Variants in KLHDC9 observed in about 807,000 individuals in gnomAD.
The protein encoded by KLHDC9 is kelch domain containing 9.
KLHDC9 carries 26 observed loss-of-function variants against 31.5 expected under a neutral mutation model. The observed-to-expected ratio is 0.83, with a 90% confidence interval of 0.61 to 1.15. KLHDC9 has a LOEUF of 1.15. Ranked by LOEUF, KLHDC9 falls within the 50% of genes most tolerant of loss-of-function variation. The pLI, the probability that KLHDC9 is intolerant of heterozygous loss-of-function variation, is 0.00. For missense variants in KLHDC9, 437 were observed against 467.7 expected (o/e 0.93, Z 0.61); for synonymous variants, 176 against 184.7 (o/e 0.95, Z 0.38).
Position 161,099,023 on chromosome 1 carries a change from T to A in KLHDC9, c.488T>A (p.Ile163Asn). 1 of 1,597,172 alleles carries A rather than the reference T, an allele frequency of 6.3e-7. No individual in the cohort carries two copies. Among genetic ancestry groups the A allele is most frequent in the Non-Finnish European group, 8.5e-7 (1 of 1,178,914 alleles). Residue 163 changes from isoleucine to asparagine, a missense_variant, in exon 1 of 4, where the codon ATC becomes AAC. Coordinates refer to ENST00000368011, the MANE Select transcript of KLHDC9 (RefSeq NM_152366.5). ...GIHTQRRYGS[I>N]YTLRLDPSAR... Reference sequence around the variant, plus strand: ...CACACTCAGCGACGCTATGGAAGCATCTACACATTAAGGCTGGACCCCAGC... The same window carrying A: ...CACACTCAGCGACGCTATGGAAGCAACTACACATTAAGGCTGGACCCCAGC...
At chr1:161,099,842 G>A (rs1553225614) in intron 3 of KLHDC9, 46 bp downstream of exon 3, 1 of 1,552,614 alleles carries the variant, frequency 6.4e-7, no homozygotes, top group South Asian at 1.1e-5. Context: ...TGGGAAGATG[G>A]GGGAACCTGA....
Position 161,098,723 on chromosome 1 carries a change from C to G in KLHDC9, c.188C>G (p.Pro63Arg). Reference sequence around the variant, plus strand: ...AGCAGCGATACGGTGGTTTTCGACCCAGCTAGGGGCCAGGCCGTACGATTG... The same window carrying G: ...AGCAGCGATACGGTGGTTTTCGACCGAGCTAGGGGCCAGGCCGTACGATTG... ...EPSSDTVVFD[P>R]ARGQAVRLGA... Residue 63 changes from proline to arginine, a missense_variant, in exon 1 of 4, where the codon CCA becomes CGA. Coordinates refer to ENST00000368011, the MANE Select transcript of KLHDC9 (RefSeq NM_152366.5). The surrounding 1 kb of genome is among the most constrained non-coding windows in gnomAD (Gnocchi z 6.3). The G allele has an allele frequency of 6.2e-7, 1 of 1,611,462 alleles. No individual in the cohort carries two copies. Among genetic ancestry groups the G allele is most frequent in the Non-Finnish European group, 8.5e-7 (1 of 1,178,780 alleles).
Position 161,100,157 on chromosome 1 carries a change from T to G in KLHDC9, c.983T>G (p.Leu328Arg), listed in dbSNP as rs761098458. ...RTCLWNDQLYLVGGFGEDGRT... is the reference protein window; with the variant it reads ...RTCLWNDQLYRVGGFGEDGRT... ...TGCCTTTGGAATGATCAGCTTTACC[T>G]GGTTGGGGGTTTTGGTGAGGATGGC... Residue 328 changes from leucine (L) to arginine (R), a missense_variant, in exon 4 of 4, where the codon CTG (leucine) becomes CGG (arginine). Leu to Arg is a moderately radical substitution (Grantham distance 102). Transcript: ENST00000368011. The G allele has an allele frequency of 1.9e-6, 3 of 1,614,112 alleles. No individual in the cohort carries two copies. The highest frequency in any genetic ancestry group is 2.7e-5 in the African/African-American group (2 of 74,930).
At chr1:161,099,950 C>T (rs535967641) in intron 3 of KLHDC9, 111 bp from the exon 4 acceptor site, 9 of 1,387,688 alleles carry the variant, frequency 6.5e-6, no homozygotes, top group Middle Eastern at 3.7e-4. Flanking sequence ...TTTGAAGAGG[C>T]CTACAAATCA....
Position 161,099,488 on chromosome 1 carries a change from A to C in KLHDC9, c.670A>C (p.Ser224Arg). 1 of 1,614,236 alleles carries C rather than the reference A, an allele frequency of 6.2e-7. No individual in the cohort carries two copies. Among genetic ancestry groups the C allele is most frequent in the Non-Finnish European group, 8.5e-7 (1 of 1,180,042 alleles). ...TGAACCAGAAGTAGCTGGGCATTGG[A>C]GTCATGGGAAAATTAAGGTATTAGC... The part of the protein sequence containing the change: ...LAEPEVAGHW[S>R]HGKIKEEPPV... The change falls in exon 2 of 4, where the codon AGT (serine) becomes CGT (arginine). Residue 224 changes from serine to arginine, a missense_variant. Coordinates refer to ENST00000368011, the MANE Select transcript of KLHDC9 (RefSeq NM_152366.5).
chr1:161,100,239 C>A lies in KLHDC9; in HGVS notation c.*15C>A, dbSNP rs1654516570. 3 of 1,608,288 alleles carry A rather than the reference C, an allele frequency of 1.9e-6. No homozygotes were observed. Among genetic ancestry groups the A allele is most frequent in the Non-Finnish European group, 1.7e-6 (2 of 1,175,780 alleles). On this transcript the variant is annotated 3_prime_UTR_variant, in exon 4 of 4. Coordinates refer to ENST00000368011, the MANE Select transcript of KLHDC9 (RefSeq NM_152366.5). ...ACTTTATCTAAATAGTGCCAAGACA[C>A]ATCACTAAGCCTCGTTTTGTTTTGC...
chr1:161,098,701 A>G lies in KLHDC9; in HGVS notation c.166A>G (p.Ser56Gly), dbSNP rs540031045. 5 of 1,612,966 alleles carry G rather than the reference A, an allele frequency of 3.1e-6. No individual in the cohort carries two copies. In the East Asian group the frequency reaches 1.1e-4, roughly 36 times the overall value. Residue 56 changes from serine (S) to glycine (G), a missense_variant, in exon 1 of 4, where the codon AGC (serine) becomes GGC (glycine). By Grantham distance (56) the Ser-to-Gly change is moderately conservative. Transcript: ENST00000368011. The surrounding 1 kb of genome is among the most constrained non-coding windows in gnomAD (Gnocchi z 6.3). ...AGCAGGAGGAGCGAGAGAGCCCAGC[A>G]GCGATACGGTGGTTTTCGACCCAGC... ...LLAGGAREPSSDTVVFDPARG... is the reference protein window; with the variant it reads ...LLAGGAREPSGDTVVFDPARG...
Position 161,099,348 on chromosome 1 carries a change from A to G in KLHDC9, c.530A>G (p.Tyr177Cys), listed in dbSNP as rs753574944. 5 of 1,614,192 alleles carry G rather than the reference A, an allele frequency of 3.1e-6. No individual in the cohort carries two copies. The Admixed American group carries it at 8.3e-5, about 27-fold the overall frequency. ...RLDPSARTYC[Y>C]KQEGCHTASR... ...CCTGAATTTCTGCATGTCCACAGCT[A>G]CAAGCAAGAAGGCTGCCACACAGCC... The change falls in exon 2 of 4, where the codon TAC (tyrosine) becomes TGC (cysteine). Residue 177 changes from tyrosine (Y) to cysteine (C), a missense_variant and splice_region_variant. Tyr to Cys is a radical substitution (Grantham distance 194). Coordinates refer to ENST00000368011, the MANE Select transcript of KLHDC9 (RefSeq NM_152366.5).
Position 161,099,654 on chromosome 1 carries a change from TGGGCAGG to T in KLHDC9, c.747_753del (p.Gln250ProfsTer28). 1 of 1,614,142 alleles carries T rather than the reference TGGGCAGG, an allele frequency of 6.2e-7. No individual in the cohort carries two copies. The highest frequency in any genetic ancestry group is 8.5e-7 in the Non-Finnish European group (1 of 1,180,016). ...AACAGCTTGCAAGGCTTGTGAGCAG[TGGGCAGG>T]GGTCCCAGAAGGGGCCCCATGGACT... On this transcript the variant is annotated frameshift_variant, in exon 3 of 4. Transcript: ENST00000368011. LOFTEE classifies it high-confidence loss of function.
chr1:161,099,170 T>A, intron 1 of KLHDC9, 108 bp downstream of exon 1: 1 of 1,353,690 alleles, frequency 7.4e-7, no homozygotes, highest in Non-Finnish European at 1.0e-6. Context: ...TCTAGCACCC[T>A]CCTTCCAGGG....
In KLHDC9 at chr1:161,099,470, G is replaced by C. The variant is rs1351208247; in HGVS notation, c.652G>C (p.Glu218Gln). The stretch of plus-strand genomic sequence containing the variant: ...TGGAGGTTGCAACTTAGCTGAACCA[G>C]AAGTAGCTGGGCATTGGAGTCATGG... Reference protein sequence around the residue: ...LFGGCNLAEPEVAGHWSHGKI... With the variant: ...LFGGCNLAEPQVAGHWSHGKI... The change falls in exon 2 of 4, where the codon GAA becomes CAA. Residue 218 changes from glutamate (E) to glutamine (Q), a missense_variant. By Grantham distance (29) the Glu-to-Gln change is conservative (BLOSUM62 2). Coordinates refer to ENST00000368011, the MANE Select transcript of KLHDC9 (RefSeq NM_152366.5). 2 of 1,614,260 alleles carry C rather than the reference G, an allele frequency of 1.2e-6. No homozygotes were observed. Among genetic ancestry groups the C allele is most frequent in the Admixed American group, 1.7e-5 (1 of 60,036 alleles).
At position 161,098,563 on chromosome 1, in the gene KLHDC9, G is replaced by A. The variant is rs759560917; in HGVS notation, c.28G>A (p.Ala10Thr). MAVAVPPGR[A>T]AGSGWAWRPV... ...GGCGGTGGCCGTGCCCCCGGGTCGG[G>A]CCGCAGGCTCAGGCTGGGCCTGGAG... is the stretch of plus-strand genomic sequence containing the variant. Residue 10 changes from alanine to threonine, a missense_variant, in exon 1 of 4, where the codon GCC (alanine) becomes ACC (threonine). Ala to Thr is a moderately conservative substitution (Grantham distance 58). Coordinates refer to ENST00000368011, the MANE Select transcript of KLHDC9 (RefSeq NM_152366.5). The surrounding 1 kb of genome is among the most constrained non-coding windows in gnomAD (Gnocchi z 6.3). 98 of 1,561,988 alleles carry A rather than the reference G, an allele frequency of 6.3e-5. No homozygotes were observed. In the South Asian group the frequency reaches 1.1e-3, roughly 18 times the overall value.
chr1:161,099,997 G>A, intron 3 of KLHDC9, 64 bp from the exon 4 acceptor site: 12 of 1,578,454 alleles, frequency 7.6e-6, no homozygotes, highest in Non-Finnish European at 1.0e-5. Context: ...CCTTGGTCAT[G>A]TTGAATTCTG....
In KLHDC9 at chr1:161,100,101, T is replaced by C; in HGVS notation, c.927T>C (p.Asp309=). Residue 309 remains aspartate, a synonymous_variant, in exon 4 of 4, where the codon GAT becomes GAC. Coordinates refer to ENST00000368011, the MANE Select transcript of KLHDC9 (RefSeq NM_152366.5). The part of the protein sequence containing the change: ...PPLWFHFPCA[D]RGMKRMGHRT... ...TGTGGTTCCACTTCCCCTGTGCAGA[T>C]CGTGGGATGAAACGCATGGGCCATC... The C allele has an allele frequency of 6.2e-7, 1 of 1,614,216 alleles. No homozygotes were observed. The highest frequency in any genetic ancestry group is 8.5e-7 in the Non-Finnish European group (1 of 1,180,040).
intron 3 of KLHDC9, 65 bp from the exon 4 acceptor site, chr1:161,099,996 T>A: frequency 1.3e-6 from 2 of 1,572,568 alleles, no homozygotes; most frequent in South Asian, 2.2e-5. Context: ...CCCTTGGTCA[T>A]GTTGAATTCT....
At position 161,098,577 on chromosome 1, in the gene KLHDC9, C is replaced by T; in HGVS notation, c.42C>T (p.Gly14=). Residue 14 remains glycine (G), a synonymous_variant, in exon 1 of 4, where the codon GGC becomes GGT. Coordinates refer to ENST00000368011, the MANE Select transcript of KLHDC9 (RefSeq NM_152366.5). This position sits in a 1 kb window ranked among gnomAD's most constrained non-coding sequence, Gnocchi z 6.3. ...CCCCGGGTCGGGCCGCAGGCTCAGG[C>T]TGGGCCTGGAGGCCAGTGGCGCGGG... is the stretch of plus-strand genomic sequence containing the variant. The part of the protein sequence containing the change: ...AVPPGRAAGS[G]WAWRPVARDA... 1 of 1,575,056 alleles carries T rather than the reference C, an allele frequency of 6.3e-7. No individual in the cohort carries two copies. Among genetic ancestry groups the T allele is most frequent in the Non-Finnish European group, 8.6e-7 (1 of 1,160,470 alleles).
In KLHDC9 at chr1:161,098,406, T is replaced by G; in HGVS notation, c.-130T>G. On this transcript the variant is annotated 5_prime_UTR_variant, in exon 1 of 4. Coordinates refer to ENST00000368011, the MANE Select transcript of KLHDC9 (RefSeq NM_152366.5). This position sits in a 1 kb window ranked among gnomAD's most constrained non-coding sequence, Gnocchi z 6.3. Reference sequence around the variant, plus strand: ...ACGGAGAGAAAGCCGGGACTTGAGGTGGGAACCCCGGCTGGCGTCCGGTAG... The same window carrying G: ...ACGGAGAGAAAGCCGGGACTTGAGGGGGGAACCCCGGCTGGCGTCCGGTAG... 1.3e-6 allele frequency: 1 copy of G among 772,186 alleles called. No individual in the cohort carries two copies. The allele number at this position is 772,186 out of a possible 1,614,324, so 47.8% of individuals were successfully genotyped here. A position where few individuals can be genotyped will look rare whatever the true frequency, so the allele number is the denominator to read the frequency against.
Position 161,099,239 on chromosome 1 carries a change from A to G in KLHDC9, c.528-107A>G, listed in dbSNP as rs767775422. 1.0e-5 allele frequency: 14 copies of G among 1,390,510 alleles called. No individual in the cohort carries two copies. The African/African-American group carries it at 1.7e-4, about 17-fold the overall frequency. The allele number at this position is 1,390,510 out of a possible 1,614,324, so 86.1% of individuals were successfully genotyped here. A position where few individuals can be genotyped will look rare whatever the true frequency, so the allele number is the denominator to read the frequency against. ...ACAGTATTACCCTCCCTCTTATCCCACCTACCGCACTGCCCCATGCCTCTT... is the reference window on the plus strand; with the variant it reads ...ACAGTATTACCCTCCCTCTTATCCCGCCTACCGCACTGCCCCATGCCTCTT... On this transcript the variant is annotated intron_variant, in intron 1 of 3. Transcript: ENST00000368011.
intron 3 of KLHDC9, 36 bp downstream of exon 3, chr1:161,099,832 T>C: frequency 2.6e-6 from 4 of 1,558,240 alleles, no homozygotes; most frequent in Non-Finnish European, 3.5e-6. Context: ...GGGGGGAAGG[T>C]GGGAAGATGG....
Sources: allele counts gnomAD v4.1 joint callset, GRCh38; gene constraint gnomAD v4.1.1; non-coding constraint Gnocchi (gnomAD v3.1); transcripts MANE v1.5; gene names NCBI Gene and HGNC (gene_info 2026-07-23, HGNC 2026-07-21).